Variants in NPSR1 observed in about 807,000 individuals in gnomAD.
NPSR1 encodes the protein neuropeptide S receptor 1.
A neutral mutation model predicts 46.9 loss-of-function variants in NPSR1; 48 were observed. That is an observed-to-expected ratio of 1.02 (90% CI 0.81 to 1.30). The LOEUF (loss-of-function observed/expected upper bound fraction) is 1.30. Among genes scored for constraint, NPSR1 ranks in the 50% most tolerant of loss-of-function variants. NPSR1 has a pLI of 0.00. For synonymous variants in NPSR1, 176 were observed against 168.1 expected, an observed-to-expected ratio of 1.05 and a Z score of -0.36; for missense variants, 450 against 449.5, an observed-to-expected ratio of 1.00 and a Z score of -0.01.
chr7:34,857,365 T>C (rs1489856883), intron 8 of NPSR1, among the ~76,000 whole-genome samples: 1 of 151,582 alleles, frequency 6.6e-6, no homozygotes, highest in African/African-American at 2.4e-5. Flanking sequence ...ATCAAACTTA[T>C]CATGAAAGAA....
At chr7:34,713,801 G>A (rs1583863136) in intron 2 of NPSR1, among the ~76,000 whole-genome samples, 1 of 152,292 alleles carries the variant, frequency 6.6e-6, no homozygotes, top group East Asian at 1.9e-4. Context: ...GGCCTGTCCC[G>A]GATCCCTCCA....
At chr7:34,859,091 T>C (rs11762763) in intron 8 of NPSR1, among the ~76,000 whole-genome samples, 10,028 of 151,612 alleles carry the variant, frequency 0.066, 505 homozygotes, top group Middle Eastern at 0.19. Flanking sequence ...AGGGAGGTGA[T>C]CAACTGGGTC....
intron 2 of NPSR1, among the ~76,000 whole-genome samples, chr7:34,688,345 A>T (rs1793044915): frequency 6.6e-6 from 1 of 152,232 alleles, no homozygotes; most frequent in African/African-American, 2.4e-5. Flanking sequence ...AGAAAAATAG[A>T]TAACGAAGAG....
intron 2 of NPSR1, among the ~76,000 whole-genome samples, chr7:34,688,953 TC>T (rs1793080299): frequency 6.6e-6 from 1 of 152,122 alleles, no homozygotes; most frequent in Non-Finnish European, 1.5e-5. Flanking sequence ...AATTTAAGCT[TC>T]CCCCACTTCC....
At chr7:34,804,145 T>C (rs972476207) in intron 3 of NPSR1, among the ~76,000 whole-genome samples, 6 of 152,116 alleles carry the variant, frequency 3.9e-5, no homozygotes, top group African/African-American at 1.2e-4. Flanking sequence ...CTAATTCATA[T>C]ACTTGCTGAC....
intron 2 of NPSR1, chr7:34,751,139 G>T: frequency 4.4e-6 from 4 of 899,722 alleles, no homozygotes; most frequent in South Asian, 3.9e-5. Flanking sequence ...TTCCACACTG[G>T]CTGAGCAGGG....
chr7:34,721,663 T>G (rs1372945678), intron 2 of NPSR1, among the ~76,000 whole-genome samples: 3 of 152,252 alleles, frequency 2.0e-5, no homozygotes. Flanking sequence ...GATTTCTTTG[T>G]AAAAACAAAT....
chr7:34,832,851 T>C (rs1790182334), intron 5 of NPSR1, among the ~76,000 whole-genome samples: 1 of 152,242 alleles, frequency 6.6e-6, no homozygotes, highest in Admixed American at 6.5e-5. Flanking sequence ...CCTTGCACAG[T>C]ATTTCACTTT....
intron 1 of NPSR1, among the ~76,000 whole-genome samples, chr7:34,681,944 CT>C (rs147072642): frequency 1.3e-5 from 2 of 152,144 alleles, no homozygotes; most frequent in African/African-American, 4.8e-5. Flanking sequence ...ACCAAAGACA[CT>C]TTTTGAGAGA....
At chr7:34,696,006 T>C (rs1009059928) in intron 2 of NPSR1, among the ~76,000 whole-genome samples, 2 of 151,260 alleles carry the variant, frequency 1.3e-5, no homozygotes, top group African/African-American at 4.9e-5. Context: ...TGCCCTCATA[T>C]GTTCATTGCA....
intron 4 of NPSR1, among the ~76,000 whole-genome samples, chr7:34,817,730 C>T (rs370540933): frequency 1.3e-5 from 2 of 151,744 alleles, no homozygotes; most frequent in South Asian, 2.1e-4. Context: ...ATGATCAAGT[C>T]GGCTTCATCC....
In NPSR1 at chr7:34,849,631, T is replaced by C; in HGVS notation, c.1092T>C (p.Ile364=). The change falls in exon 9 of 9, where the codon ATT becomes ATC. Residue 364 remains isoleucine, a synonymous_variant. Transcript: ENST00000360581. ...GAACTGAGAGGCATGAGATGCAGATTCTGTCCAAGCCAGAATTCATCTAGA... is the reference window on the plus strand; with the variant it reads ...GAACTGAGAGGCATGAGATGCAGATCCTGTCCAAGCCAGAATTCATCTAGA... ...RERTERHEMQ[I]LSKPEFI 1 of 1,614,126 alleles carries C rather than the reference T, an allele frequency of 6.2e-7. No homozygotes were observed. The highest frequency in any genetic ancestry group is 1.3e-5 in the African/African-American group (1 of 75,018).
At chr7:34,791,073 T>TA (rs1562730811) in intron 3 of NPSR1, among the ~76,000 whole-genome samples, 20 of 115,366 alleles carry the variant, frequency 1.7e-4, no homozygotes, top group Middle Eastern at 0.01. Context: ...TATTATATTA[T>TA]ATATGTTATA....
intron 8 of NPSR1, among the ~76,000 whole-genome samples, chr7:34,863,291 T>G (rs1478644204): frequency 2.0e-5 from 3 of 151,784 alleles, no homozygotes; most frequent in Non-Finnish European, 4.4e-5. Context: ...GAAGAAAACC[T>G]AGGCAATACC....
At chr7:34,865,287 C>T in intron 8 of NPSR1, among the ~76,000 whole-genome samples, 1 of 151,786 alleles carries the variant, frequency 6.6e-6, no homozygotes, top group Non-Finnish European at 1.5e-5. Flanking sequence ...CCTGATACAC[C>T]CACAAAATCT....
chr7:34,837,534 C>T (rs1416978194), intron 6 of NPSR1, among the ~76,000 whole-genome samples: 1 of 152,210 alleles, frequency 6.6e-6, no homozygotes, highest in Non-Finnish European at 1.5e-5. Flanking sequence ...CCATTTAACC[C>T]ATTTCCCGTT....
intron 2 of NPSR1, among the ~76,000 whole-genome samples, chr7:34,688,116 C>T (rs1793031840): frequency 6.6e-6 from 1 of 152,096 alleles, no homozygotes; most frequent in Non-Finnish European, 1.5e-5. Context: ...TGGATCAGCC[C>T]TCACCAAAAA....
intron 2 of NPSR1, among the ~76,000 whole-genome samples, chr7:34,758,545 A>G (rs1398577631): frequency 6.6e-6 from 1 of 152,210 alleles, no homozygotes; most frequent in Non-Finnish European, 1.5e-5. Context: ...CTATGGGTTG[A>G]GCAACCATAT....
intron 2 of NPSR1, chr7:34,750,873 GAGA>G (rs1366839685): frequency 2.0e-5 from 14 of 704,446 alleles, no homozygotes; most frequent in Admixed American, 8.9e-5. Flanking sequence ...GATGATGTAG[GAGA>G]AGAACTGCTT....
Sources: gnomAD v4.1 joint callset for allele counts (sites outside exome capture counted in the v4.1 genomes callset) on GRCh38, gnomAD v4.1.1 for gene constraint, MANE v1.5 for transcripts, NCBI Gene and HGNC (gene_info 2026-07-23, HGNC 2026-07-21) for gene names.